The following SHANK2 variants were observed in gnomAD, a reference collection of about 807,000 sequenced individuals.
The protein encoded by SHANK2 is SH3 and multiple ankyrin repeat domains 2.
Under a neutral mutation model 133.7 loss-of-function variants are expected in SHANK2, and 43 were observed. That is an observed-to-expected ratio of 0.32 (90% CI 0.25 to 0.41). SHANK2 has a LOEUF of 0.41. Among genes scored for constraint, SHANK2 ranks in the 10% least tolerant of loss-of-function variants. The pLI, the probability that SHANK2 is intolerant of heterozygous loss-of-function variation, is 1.00. For synonymous variants in SHANK2, 1,017 were observed against 952.8 expected (o/e 1.07, Z -1.24); for missense variants, 1,994 against 2,235.8 (o/e 0.89, Z 2.18).
chr11:70,905,630 G>T (rs1590817502), intron 10 of SHANK2, among the ~76,000 whole-genome samples: 3 of 152,196 alleles, frequency 2.0e-5, no homozygotes, highest in Admixed American at 2.0e-4. Context: ...TGGAAAAGAG[G>T]CTGCAGAGAG....
intron 1 of SHANK2, among the ~76,000 whole-genome samples, chr11:71,249,194 T>A (rs1383562180): frequency 6.6e-6 from 1 of 152,084 alleles, no homozygotes. Context: ...ATTCTCCCGG[T>A]GCCCAGGTGA....
At chr11:70,674,276 A>C (rs894352014) in intron 15 of SHANK2, among the ~76,000 whole-genome samples, 1 of 152,204 alleles carries the variant, frequency 6.6e-6, no homozygotes, top group Non-Finnish European at 1.5e-5. Flanking sequence ...TCAATTACCC[A>C]GGCTCAGGCA....
chr11:71,094,648 C>T lies in SHANK2; in HGVS notation c.633G>A (p.Val211=), dbSNP rs782256132. 13 of 1,551,828 alleles carry T rather than the reference C, an allele frequency of 8.4e-6. No homozygotes were observed. The highest frequency in any genetic ancestry group is 1.1e-5 in the Non-Finnish European group (13 of 1,147,008). ...CATTTTTGAGAGCTTTGATGACCTC[C>T]ACAGAGTCGTCCAGCTGAGCGGCTA... The part of the protein sequence containing the change: ...LTLAAQLDDS[V]EVIKALKNGG... Residue 211 remains valine (V), a synonymous_variant, in exon 7 of 26, where the codon GTG becomes GTA. Transcript: ENST00000601538.
intron 10 of SHANK2, among the ~76,000 whole-genome samples, chr11:70,934,286 C>T (rs1950541752): frequency 6.6e-6 from 1 of 151,560 alleles, no homozygotes; most frequent in Admixed American, 6.6e-5. Context: ...ACAGTGCCCA[C>T]TGCACATTAA....
intron 2 of SHANK2, among the ~76,000 whole-genome samples, chr11:71,151,428 C>A (rs1952795364): frequency 6.6e-6 from 1 of 152,180 alleles, no homozygotes; most frequent in Admixed American, 6.5e-5. Flanking sequence ...TGCCCAGAAA[C>A]CTGACAGCAG....
At chr11:70,499,216 T>A (rs2059015589) in intron 21 of SHANK2, among the ~76,000 whole-genome samples, 1 of 152,230 alleles carries the variant, frequency 6.6e-6, no homozygotes, top group African/African-American at 2.4e-5. Context: ...GTGTCTTCAG[T>A]CCCCAGCTGG....
chr11:70,856,173 G>A (rs988460295), intron 11 of SHANK2, among the ~76,000 whole-genome samples: 1 of 151,650 alleles, frequency 6.6e-6, no homozygotes, highest in Admixed American at 6.6e-5. Flanking sequence ...TAGGTGATGG[G>A]ATGGATGGAT....
At chr11:71,244,789 G>A (rs1294541088) in intron 1 of SHANK2, among the ~76,000 whole-genome samples, 1 of 151,946 alleles carries the variant, frequency 6.6e-6, no homozygotes, top group Non-Finnish European at 1.5e-5. Flanking sequence ...TGCAACCTCC[G>A]CCTGCCGGGT....
At chr11:70,835,447 TG>T (rs1406218992) in intron 11 of SHANK2, among the ~76,000 whole-genome samples, 1 of 152,104 alleles carries the variant, frequency 6.6e-6, no homozygotes, top group African/African-American at 2.4e-5. Context: ...AAGAGGCTCA[TG>T]TGCTGAGATG....
intron 2 of SHANK2, among the ~76,000 whole-genome samples, chr11:71,167,251 A>G (rs1331052793): frequency 3.9e-5 from 6 of 152,056 alleles, no homozygotes; most frequent in African/African-American, 1.2e-4. Flanking sequence ...CCCCCTTTCT[A>G]TTCTACAAAA....
chr11:70,660,615 G>C (rs1023908729), intron 16 of SHANK2, among the ~76,000 whole-genome samples: 1 of 150,778 alleles, frequency 6.6e-6, no homozygotes, highest in Admixed American at 6.6e-5. Context: ...CAGGGCAGGA[G>C]ATGGACTTTT....
chr11:71,102,720 C>T (rs566891577), intron 6 of SHANK2, among the ~76,000 whole-genome samples: 1 of 152,328 alleles, frequency 6.6e-6, no homozygotes, highest in Non-Finnish European at 1.5e-5. Context: ...CCGGCTCATG[C>T]CAAGAGACCC....
chr11:70,722,824 A>G (rs1946098536), intron 14 of SHANK2, among the ~76,000 whole-genome samples: 1 of 152,246 alleles, frequency 6.6e-6, no homozygotes, highest in Non-Finnish European at 1.5e-5. Context: ...CTCTTAGCTT[A>G]AAAGCAGGAC....
rs1187755094 is a variant in SHANK2, at chr11:70,592,237, G to A, written c.2061+67591C>T. Among the ~76,000 whole-genome samples, 13 of 152,178 alleles carry A rather than the reference G, an allele frequency of 8.5e-5. No homozygotes were observed. The South Asian group carries it at 1.7e-3, about 19-fold the overall frequency. ...GTCTTCCCTCTGCACGCAGGGGACA[G>A]GGGAAAGACAGAGGCAGCTGTCGCT... On this transcript the variant is annotated intron_variant, in intron 17 of 25. Coordinates refer to ENST00000601538, the MANE Select transcript of SHANK2 (RefSeq NM_012309.5).
chr11:71,240,533 G>T (rs1186680267), intron 1 of SHANK2, among the ~76,000 whole-genome samples: 2 of 152,178 alleles, frequency 1.3e-5, no homozygotes, highest in Non-Finnish European at 2.9e-5. Context: ...AGAAGGGGCA[G>T]ACCCCAGCCC....
chr11:70,504,540 C>T (rs1202072101), intron 17 of SHANK2, among the ~76,000 whole-genome samples: 2 of 152,110 alleles, frequency 1.3e-5, no homozygotes, highest in African/African-American at 4.8e-5. Context: ...CTCAGACCCA[C>T]CCGGTTTCAG....
At chr11:70,505,771 T>C (rs1412592957) in intron 17 of SHANK2, among the ~76,000 whole-genome samples, 1 of 152,042 alleles carries the variant, frequency 6.6e-6, no homozygotes, top group Non-Finnish European at 1.5e-5. Context: ...TGAGGGCTCG[T>C]CGGGCTGATG....
At chr11:70,642,186 C>T (rs1436634233) in intron 17 of SHANK2, among the ~76,000 whole-genome samples, 1 of 152,228 alleles carries the variant, frequency 6.6e-6, no homozygotes, top group Non-Finnish European at 1.5e-5. Flanking sequence ...AAAGCCAACC[C>T]AATACTTGCT....
At chr11:70,850,732 A>G (rs1373839) in intron 11 of SHANK2, among the ~76,000 whole-genome samples, 4,919 of 152,216 alleles carry the variant, frequency 0.032, 236 homozygotes, top group African/African-American at 0.11. Context: ...GTCAGTTCTG[A>G]ATCCCATCAG....
Sources: gnomAD v4.1 joint callset for allele counts (sites outside exome capture counted in the v4.1 genomes callset) on GRCh38, gnomAD v4.1.1 for gene constraint, MANE v1.5 for transcripts, NCBI Gene and HGNC (gene_info 2026-07-23, HGNC 2026-07-21) for gene names.